SCIN: variants seen among roughly 807,000 people sequenced by gnomAD.
SCIN encodes the protein scinderin, also known as adseverin.
In SCIN, 91 loss-of-function variants were observed where a neutral mutation model predicts 91.8. The ratio of observed to expected loss-of-function variants is 0.99; its 90% confidence interval spans 0.84 to 1.18. SCIN has a LOEUF of 1.18. SCIN is among the 50% of genes most tolerant of loss of function. The probability of loss-of-function intolerance (pLI) is 0.00; values close to 1 mark genes in which losing one functional copy is unlikely to be tolerated. For missense variants in SCIN, 1,087 were observed against 863.9 expected (o/e 1.26, Z -3.24); for synonymous variants, 367 against 312.6 (o/e 1.17, Z -1.84).
At chr7:12,644,833 T>C (rs1233548292) in intron 13 of SCIN, 128 bp downstream of exon 13, 2 of 777,746 alleles carry the variant, frequency 2.6e-6, no homozygotes, top group Non-Finnish European at 3.9e-6. Context: ...CTGACCAACA[T>C]GTAGAAACCG....
At chr7:12,603,891 A>G (rs1417122654) in intron 3 of SCIN, among the ~76,000 whole-genome samples, 1 of 116,436 alleles carries the variant, frequency 8.6e-6, no homozygotes, top group Non-Finnish European at 1.8e-5. Context: ...CATAGCAACG[A>G]AAACCCTTAT....
At chr7:12,572,039 CT>C (rs1322218323) in intron 1 of SCIN, among the ~76,000 whole-genome samples, 1 of 152,220 alleles carries the variant, frequency 6.6e-6, no homozygotes, top group Non-Finnish European at 1.5e-5. Context: ...ACCACACACA[CT>C]TACACATTTT....
chr7:12,609,923 G>A lies in SCIN; in HGVS notation c.666+5260G>A, dbSNP rs80072347. Among the ~76,000 whole-genome samples the A allele has an allele frequency of 3.7e-4, 56 of 152,144 alleles. No individual in the cohort carries two copies. The East Asian group carries it at 7.9e-3, about 21-fold the overall frequency. The stretch of plus-strand genomic sequence containing the variant: ...ACATATTATGTCTCCATTAATAACT[G>A]TTTATCAAGTGCAGGGTTGGTTCCC... On this transcript the variant is annotated intron_variant, in intron 4 of 15. Transcript: ENST00000297029.
rs1263621416 is a variant in SCIN, at chr7:12,657,284, TCTGCTCA to T, written c.*4574_*4580del. The T allele has an allele frequency of 6.5e-4, 93 of 142,256 alleles. No individual in the cohort carries two copies. Among genetic ancestry groups the T allele is most frequent in the African/African-American group, 2.3e-3 (90 of 39,460 alleles). The allele number at this position is 142,256 out of a possible 1,614,324, so 8.8% of individuals were successfully genotyped here. A position where few individuals can be genotyped will look rare whatever the true frequency, so the allele number is the denominator to read the frequency against. Reference sequence around the variant, plus strand: ...CCCAGGCTGGAGTACAGTAGCGATCTCTGCTCACTGCAATCTCTGCCTCCTGGGTTCA... The same window carrying T: ...CCCAGGCTGGAGTACAGTAGCGATCTCTGCAATCTCTGCCTCCTGGGTTCA... On this transcript the variant is annotated 3_prime_UTR_variant, in exon 16 of 16. Transcript: ENST00000297029.
At chr7:12,595,075 G>A (rs191079938) in intron 3 of SCIN, among the ~76,000 whole-genome samples, 117 of 152,180 alleles carry the variant, frequency 7.7e-4, no homozygotes, top group Non-Finnish European at 1.3e-3. Flanking sequence ...CGCCCAGCCA[G>A]AGCCTATCCC....
intron 3 of SCIN, chr7:12,588,804 T>TGGGGG (rs1204389002): frequency 3.8e-4 from 1 of 2,644 alleles, no homozygotes; most frequent in Non-Finnish European, 1.6e-3. Context: ...ACAGCTGCAT[T>TGGGGG]GGGTGGGGGG....
chr7:12,577,729 A>G (rs1583272405), intron 1 of SCIN: 2 of 403,600 alleles, frequency 5.0e-6, no homozygotes, highest in Non-Finnish European at 9.5e-6. Context: ...GGTGGCACGC[A>G]CCTGTAGTCC....
intron 5 of SCIN, 114 bp downstream of exon 5, chr7:12,623,007 A>G: frequency 1.6e-6 from 1 of 608,814 alleles, no homozygotes; most frequent in Non-Finnish European, 2.9e-6. Flanking sequence ...ATTGCTCTCC[A>G]AGAGCAATGT....
chr7:12,619,758 G>T (rs1226362449), intron 4 of SCIN, among the ~76,000 whole-genome samples: 1 of 152,068 alleles, frequency 6.6e-6, no homozygotes, highest in Non-Finnish European at 1.5e-5. Flanking sequence ...AGCATCTGAA[G>T]GGGACTTGGG....
At chr7:12,640,048 T>A (rs1260718904) in intron 10 of SCIN, among the ~76,000 whole-genome samples, 1 of 152,204 alleles carries the variant, frequency 6.6e-6, no homozygotes, top group Non-Finnish European at 1.5e-5. Flanking sequence ...GAGATGTAGA[T>A]GAACAGACTT....
In SCIN at chr7:12,612,037, G is replaced by A. The variant is rs534883130; in HGVS notation, c.666+7374G>A. 4.0e-5 allele frequency among the ~76,000 whole-genome samples: 6 copies of A among 151,570 alleles called. No homozygotes were observed. In the East Asian group the frequency reaches 5.8e-4, roughly 15 times the overall value. On this transcript the variant is annotated intron_variant, in intron 4 of 15. Transcript: ENST00000297029. ...CCTCCTATTTTTTTTCATTCTAGTCGAAACTCTGTACTTTGTAAGAATGGA... is the reference window on the plus strand; with the variant it reads ...CCTCCTATTTTTTTTCATTCTAGTCAAAACTCTGTACTTTGTAAGAATGGA...
At position 12,658,583 on chromosome 7, in the gene SCIN, G is replaced by C. The variant is rs1784209754; in HGVS notation, c.*5868G>C. The C allele has an allele frequency of 6.6e-6, 1 of 152,170 alleles. No individual in the cohort carries two copies. Among genetic ancestry groups the C allele is most frequent in the African/African-American group, 2.4e-5 (1 of 41,428 alleles). 9.4% of individuals were successfully genotyped at this position (152,170 alleles called of 1,614,324 possible). Reference sequence around the variant, plus strand: ...TCAGAGGATACAATGAAACAAGAAAGGGAGGCAACTGATGTTGTTTGATTA... The same window carrying C: ...TCAGAGGATACAATGAAACAAGAAACGGAGGCAACTGATGTTGTTTGATTA... On this transcript the variant is annotated 3_prime_UTR_variant, in exon 16 of 16. Coordinates refer to ENST00000297029, the MANE Select transcript of SCIN (RefSeq NM_001112706.3).
chr7:12,573,202 G>T (rs1782303820), intron 1 of SCIN, among the ~76,000 whole-genome samples: 1 of 152,182 alleles, frequency 6.6e-6, no homozygotes, highest in Non-Finnish European at 1.5e-5. Context: ...ATGAATCCAT[G>T]AGGATTCATC....
rs1004139708 is a variant in SCIN, at chr7:12,570,819, C to G, written c.33C>G (p.Ala11=). The change falls in exon 1 of 16, where the codon GCC becomes GCG. Residue 11 remains alanine (A), a synonymous_variant. Coordinates refer to ENST00000297029, the MANE Select transcript of SCIN (RefSeq NM_001112706.3). MARELYHEEF[A]RAGKQAGLQV... is the part of the protein sequence containing the mutation. ...GGGAGCTATACCACGAAGAGTTCGC[C>G]CGGGCGGGCAAGCAGGCGGGGCTGC... 2.1e-5 allele frequency: 33 copies of G among 1,551,502 alleles called. No homozygotes were observed. The highest frequency in any genetic ancestry group is 2.8e-5 in the Non-Finnish European group (32 of 1,146,958).
intron 10 of SCIN, among the ~76,000 whole-genome samples, chr7:12,638,089 C>T (rs116853844): frequency 0.023 from 3,491 of 152,214 alleles, 54 homozygotes; most frequent in Non-Finnish European, 0.036. Context: ...TGTTTCAGGA[C>T]GCTTATTAGT....
intron 10 of SCIN, among the ~76,000 whole-genome samples, chr7:12,639,318 C>T (rs1335716325): frequency 6.6e-6 from 1 of 152,208 alleles, no homozygotes; most frequent in Non-Finnish European, 1.5e-5. Flanking sequence ...TAATTTGCTG[C>T]TCACTTATTT....
At chr7:12,639,432 A>G (rs544118865) in intron 10 of SCIN, among the ~76,000 whole-genome samples, 1 of 152,366 alleles carries the variant, frequency 6.6e-6, no homozygotes, top group South Asian at 2.1e-4. Flanking sequence ...TACATGCATC[A>G]GCATTCCCAT....
chr7:12,581,276 C>A, intron 3 of SCIN, 55 bp downstream of exon 3: 1 of 1,497,338 alleles, frequency 6.7e-7, no homozygotes, highest in South Asian at 1.2e-5. Flanking sequence ...GCTTTCGGAT[C>A]AAATCATATG....
intron 3 of SCIN, among the ~76,000 whole-genome samples, chr7:12,597,403 G>T (rs922745041): frequency 1.3e-5 from 2 of 152,156 alleles, no homozygotes; most frequent in Non-Finnish European, 2.9e-5. Context: ...GATGTATTTA[G>T]AATAATAACT....
Sources: gnomAD v4.1 joint callset for allele counts (sites outside exome capture counted in the v4.1 genomes callset) on GRCh38, gnomAD v4.1.1 for gene constraint, MANE v1.5 for transcripts, NCBI Gene and HGNC (gene_info 2026-07-23, HGNC 2026-07-21) for gene names.